Variants in PDE7B observed in about 807,000 individuals in gnomAD.
PDE7B encodes the protein phosphodiesterase 7B, also known as 3',5'-cyclic-AMP phosphodiesterase 7B.
In PDE7B, 29 loss-of-function variants were observed where a neutral mutation model predicts 56.2. That is an observed-to-expected ratio of 0.52 (90% CI 0.38 to 0.70). The LOEUF (loss-of-function observed/expected upper bound fraction) is 0.70. Among genes scored for constraint, PDE7B ranks in the 30% least tolerant of loss-of-function variants. PDE7B has a pLI of 0.00. For synonymous variants in PDE7B, 197 were observed against 196.9 expected (o/e 1.00, Z 0.00); for missense variants, 490 against 565.0 (o/e 0.87, Z 1.35).
intron 11 of PDE7B, among the ~76,000 whole-genome samples, chr6:136,186,379 G>C (rs1042877359): frequency 3.3e-5 from 5 of 152,158 alleles, no homozygotes; most frequent in African/African-American, 1.2e-4. Flanking sequence ...AGTGAGCCAA[G>C]ATCATGCCAC....
chr6:136,150,253 C>T (rs577650025), intron 5 of PDE7B, among the ~76,000 whole-genome samples: 41 of 152,114 alleles, frequency 2.7e-4, no homozygotes, highest in African/African-American at 9.7e-4. Flanking sequence ...TATAAGTAGC[C>T]GCAAAATCGA....
intron 2 of PDE7B, among the ~76,000 whole-genome samples, chr6:136,036,957 G>A (rs1479678978): frequency 2.6e-5 from 4 of 152,184 alleles, no homozygotes; most frequent in Admixed American, 6.5e-5. Flanking sequence ...TTTCACATAA[G>A]CTACAGGGGG....
chr6:136,004,799 A>G (rs1412431726), intron 2 of PDE7B, among the ~76,000 whole-genome samples: 2 of 152,206 alleles, frequency 1.3e-5, no homozygotes, highest in Non-Finnish European at 2.9e-5. Flanking sequence ...TATAGATTCA[A>G]TGCCATCCCC....
At chr6:136,099,090 G>A (rs1202910333) in intron 2 of PDE7B, among the ~76,000 whole-genome samples, 1 of 152,014 alleles carries the variant, frequency 6.6e-6, no homozygotes, top group Middle Eastern at 3.4e-3. Flanking sequence ...CCATGTCCCT[G>A]CAAAGTACAT....
At chr6:136,162,709 A>C (rs1778726921) in intron 8 of PDE7B, among the ~76,000 whole-genome samples, 1 of 152,222 alleles carries the variant, frequency 6.6e-6, no homozygotes, top group South Asian at 2.1e-4. Context: ...CTGTAAAATA[A>C]AAGCAAGTTA....
chr6:136,030,121 T>C (rs1347159414), intron 2 of PDE7B, among the ~76,000 whole-genome samples: 1 of 152,020 alleles, frequency 6.6e-6, no homozygotes, highest in Admixed American at 6.5e-5. Flanking sequence ...TTCATAACCA[T>C]AGCAAAGCAC....
intron 1 of PDE7B, among the ~76,000 whole-genome samples, chr6:135,895,130 TAAAA>T (rs369897194): frequency 1.4e-5 from 2 of 146,752 alleles, no homozygotes; most frequent in South Asian, 2.1e-4. Flanking sequence ...TGTGATGAAA[TAAAA>T]AAAAAAGGAG....
chr6:135,924,663 A>G (rs1440814345), intron 1 of PDE7B, among the ~76,000 whole-genome samples: 3 of 36,274 alleles, frequency 8.3e-5, no homozygotes, highest in African/African-American at 1.5e-4. Context: ...ACCTCTAAGT[A>G]TTTTTGTTTT....
intron 2 of PDE7B, among the ~76,000 whole-genome samples, chr6:136,064,865 GC>G (rs1265527875): frequency 3.3e-5 from 5 of 152,026 alleles, no homozygotes; most frequent in Non-Finnish European, 5.9e-5. Flanking sequence ...AACACTGTAA[GC>G]CCCCCAAGAG....
intron 1 of PDE7B, among the ~76,000 whole-genome samples, chr6:135,912,811 A>G (rs1283542673): frequency 6.6e-6 from 1 of 152,172 alleles, no homozygotes; most frequent in Non-Finnish European, 1.5e-5. Flanking sequence ...ATCATGATAG[A>G]TATCTATTTT....
chr6:136,083,625 A>G (rs866871866), intron 2 of PDE7B, among the ~76,000 whole-genome samples: 3 of 152,204 alleles, frequency 2.0e-5, no homozygotes, highest in African/African-American at 7.2e-5. Flanking sequence ...TGCAAACCCA[A>G]TGGTTTGGAA....
chr6:136,103,073 G>C (rs1013685349), intron 2 of PDE7B, among the ~76,000 whole-genome samples: 4 of 152,104 alleles, frequency 2.6e-5, no homozygotes, highest in African/African-American at 9.7e-5. Flanking sequence ...CTAACTCCTG[G>C]TTTGCCTCTT....
At chr6:135,881,444 G>A (rs112380674) in intron 1 of PDE7B, among the ~76,000 whole-genome samples, 1,559 of 152,058 alleles carry the variant, frequency 0.01, 14 homozygotes, top group Non-Finnish European at 0.018. Flanking sequence ...GGAGGCAGAC[G>A]TTGCAATGAG....
At chr6:136,061,534 G>A (rs1031311829) in intron 2 of PDE7B, among the ~76,000 whole-genome samples, 1 of 152,098 alleles carries the variant, frequency 6.6e-6, no homozygotes, top group Non-Finnish European at 1.5e-5. Flanking sequence ...TAAGAAATAA[G>A]GGCAGTATTG....
chr6:135,925,351 ACT>A (rs1382978381), intron 1 of PDE7B, among the ~76,000 whole-genome samples: 1 of 152,036 alleles, frequency 6.6e-6, no homozygotes, highest in Non-Finnish European at 1.5e-5. Flanking sequence ...GGCATACCTC[ACT>A]CTCTATCTCA....
intron 2 of PDE7B, among the ~76,000 whole-genome samples, chr6:136,000,675 A>C (rs1334294049): frequency 6.6e-6 from 1 of 152,188 alleles, no homozygotes; most frequent in African/African-American, 2.4e-5. Flanking sequence ...GTTTGAAGTC[A>C]AGTAACATGA....
intron 2 of PDE7B, among the ~76,000 whole-genome samples, chr6:136,066,869 T>TG (rs1776945998): frequency 6.7e-6 from 1 of 149,970 alleles, no homozygotes; most frequent in Non-Finnish European, 1.5e-5. Flanking sequence ...TTTTTTTTTT[T>TG]GAAATGAGGC....
Position 135,919,500 on chromosome 6 carries a change from CAT to C in PDE7B, c.22-27960_22-27959del, listed in dbSNP as rs532122706. 6.3e-4 allele frequency among the ~76,000 whole-genome samples: 96 copies of C among 152,336 alleles called. 1 individual carries two copies. The highest frequency in any genetic ancestry group is 3.4e-3 in the Middle Eastern group (1 of 292). On this transcript the variant is annotated intron_variant, in intron 1 of 12. Transcript: ENST00000308191. ...ATCGCTCTATTAGTCCCTACAACCA[CAT>C]ATAGATTTTCTCTCAACATGACAGT... is the stretch of plus-strand genomic sequence containing the variant.
chr6:135,973,324 GA>G (rs760688413), intron 2 of PDE7B, among the ~76,000 whole-genome samples: 5 of 152,076 alleles, frequency 3.3e-5, no homozygotes, highest in Non-Finnish European at 7.4e-5. Flanking sequence ...TTTGAAGGCA[GA>G]ATAGTATTCC....
Sources: allele counts gnomAD v4.1 joint callset (sites outside exome capture counted in the v4.1 genomes callset), GRCh38; gene constraint gnomAD v4.1.1; transcripts MANE v1.5; gene names NCBI Gene and HGNC (gene_info 2026-07-23, HGNC 2026-07-21).